The following ITGA9 variants were observed in gnomAD, a reference collection of about 807,000 sequenced individuals.
ITGA9 encodes integrin alpha-9.
In ITGA9, 56 loss-of-function variants were observed where a neutral mutation model predicts 127.8. That is an observed-to-expected ratio of 0.44 (90% CI 0.35 to 0.55). ITGA9 has a LOEUF of 0.55. Among genes scored for constraint, ITGA9 ranks in the 20% least tolerant of loss-of-function variants. The pLI, the probability that ITGA9 is intolerant of heterozygous loss-of-function variation, is 0.00. For missense variants in ITGA9, 1,196 were observed against 1,347.1 expected (o/e 0.89, Z 1.76); for synonymous variants, 508 against 514.5 (o/e 0.99, Z 0.17).
At chr3:37,641,721 G>A (rs1010829854) in intron 16 of ITGA9, among the ~76,000 whole-genome samples, 1 of 152,052 alleles carries the variant, frequency 6.6e-6, no homozygotes, top group Non-Finnish European at 1.5e-5. Context: ...GTACAGTGGG[G>A]CTCCTGCCTC....
intron 3 of ITGA9, among the ~76,000 whole-genome samples, chr3:37,478,987 G>T (rs2125557470): frequency 6.6e-6 from 1 of 152,288 alleles, no homozygotes; most frequent in South Asian, 2.1e-4. Flanking sequence ...CTGGCTATCA[G>T]ACAGCACCAT....
chr3:37,706,398 C>G (rs1701005830), intron 18 of ITGA9, among the ~76,000 whole-genome samples: 1 of 152,164 alleles, frequency 6.6e-6, no homozygotes, highest in African/African-American at 2.4e-5. Context: ...CTGTCAGTTG[C>G]AACGCCTGAA....
chr3:37,591,280 G>A (rs1345206238), intron 15 of ITGA9, among the ~76,000 whole-genome samples: 1 of 152,202 alleles, frequency 6.6e-6, no homozygotes, highest in Non-Finnish European at 1.5e-5. Context: ...TAATGTCCCT[G>A]GAATTTATTT....
chr3:37,514,115 T>C (rs573455955), intron 9 of ITGA9, among the ~76,000 whole-genome samples: 9 of 152,316 alleles, frequency 5.9e-5, no homozygotes, highest in Non-Finnish European at 1.3e-4. Context: ...CAAGGAAGAA[T>C]CTTAATAATT....
At chr3:37,458,818 C>CAGCTG (rs1698287051) in intron 1 of ITGA9, among the ~76,000 whole-genome samples, 1 of 152,186 alleles carries the variant, frequency 6.6e-6, no homozygotes, top group Non-Finnish European at 1.5e-5. Context: ...ATCTTGCCAC[C>CAGCTG]AGCTGACTCA....
intron 15 of ITGA9, among the ~76,000 whole-genome samples, chr3:37,601,380 TCAGGAGGAATAAAGCTAA>T (rs1203685711): frequency 1.3e-5 from 2 of 151,950 alleles, no homozygotes; most frequent in Non-Finnish European, 2.9e-5. Flanking sequence ...AACACAGAGG[TCAGGAGGAATAAAGCTAA>T]TGAGAGAGCA....
At chr3:37,692,633 T>G (rs1700844284) in intron 18 of ITGA9, among the ~76,000 whole-genome samples, 1 of 152,232 alleles carries the variant, frequency 6.6e-6, no homozygotes, top group South Asian at 2.1e-4. Context: ...TGTTGATTTT[T>G]TTTTTCCATT....
chr3:37,781,860 C>T (rs371095328), intron 25 of ITGA9, among the ~76,000 whole-genome samples: 30 of 152,220 alleles, frequency 2.0e-4, no homozygotes, highest in African/African-American at 5.5e-4. Context: ...TTTCCATTTT[C>T]AATCTGTAGC....
At chr3:37,517,688 G>A in intron 10 of ITGA9, 79 bp downstream of exon 10, 1 of 1,026,958 alleles carries the variant, frequency 9.7e-7, no homozygotes, top group Non-Finnish European at 1.5e-6. Flanking sequence ...CCTGCTCGCT[G>A]ACTGTCCATC....
chr3:37,790,967 T>C (rs1239435173), intron 26 of ITGA9: 2 of 152,180 alleles, frequency 1.3e-5, no homozygotes, highest in Non-Finnish European at 2.9e-5. Flanking sequence ...AAAGCTGGCC[T>C]GCAGAAAGAA....
chr3:37,717,085 C>G (rs976183042), intron 18 of ITGA9, among the ~76,000 whole-genome samples: 3 of 152,168 alleles, frequency 2.0e-5, no homozygotes. Context: ...AAAGCTTCAG[C>G]CCTAAGCTGG....
intron 15 of ITGA9, among the ~76,000 whole-genome samples, chr3:37,555,051 C>A (rs188736953): frequency 6.6e-6 from 1 of 152,252 alleles, no homozygotes; most frequent in Non-Finnish European, 1.5e-5. Flanking sequence ...AAGGGCTGAG[C>A]TGTGGACACT....
rs539824649 is a variant in ITGA9 at position 37,603,612 on chromosome 3, A to G, written c.1690-25575A>G. On this transcript the variant is annotated intron_variant, in intron 15 of 27. Transcript: ENST00000264741. The stretch of plus-strand genomic sequence containing the variant: ...AGGCATGCTATTAAGCTTTAAATGG[A>G]GCATCTCTAAGTTTCCTTACCAAAA... 3.3e-5 allele frequency among the ~76,000 whole-genome samples: 5 copies of G among 152,316 alleles called. No individual in the cohort carries two copies. The South Asian group carries it at 1.0e-3, about 32-fold the overall frequency.
chr3:37,793,359 C>T (rs1040393921), intron 26 of ITGA9, among the ~76,000 whole-genome samples: 2 of 148,368 alleles, frequency 1.3e-5, no homozygotes, highest in African/African-American at 5.0e-5. Context: ...AAATTTTTAC[C>T]CTCAAGACTT....
intron 14 of ITGA9, among the ~76,000 whole-genome samples, chr3:37,536,011 G>C (rs1699203994): frequency 6.6e-6 from 1 of 152,202 alleles, no homozygotes; most frequent in Non-Finnish European, 1.5e-5. Context: ...TCAGGTAACT[G>C]TGGGGGCCCA....
At chr3:37,700,770 A>G (rs955706558) in intron 18 of ITGA9, among the ~76,000 whole-genome samples, 2 of 152,326 alleles carry the variant, frequency 1.3e-5, no homozygotes, top group African/African-American at 2.4e-5. Flanking sequence ...TGGATAGAAG[A>G]TGGGTATATC....
At chr3:37,802,725 C>T (rs1360652279) in intron 26 of ITGA9, among the ~76,000 whole-genome samples, 1 of 152,152 alleles carries the variant, frequency 6.6e-6, no homozygotes, top group East Asian at 1.9e-4. Flanking sequence ...ACATGTTTAA[C>T]AATCAGTTCT....
chr3:37,606,240 G>C (rs1699967781), intron 15 of ITGA9, among the ~76,000 whole-genome samples: 1 of 152,162 alleles, frequency 6.6e-6, no homozygotes, highest in African/African-American at 2.4e-5. Context: ...TGTCTCAGCA[G>C]ATACTGAGTT....
At chr3:37,663,443 G>A (rs1700556622) in intron 17 of ITGA9, among the ~76,000 whole-genome samples, 2 of 152,150 alleles carry the variant, frequency 1.3e-5, no homozygotes, top group Non-Finnish European at 2.9e-5. Flanking sequence ...ACATATAATT[G>A]TCCTATGGTT....
Sources: gnomAD v4.1 joint callset for allele counts (sites outside exome capture counted in the v4.1 genomes callset) on GRCh38, gnomAD v4.1.1 for gene constraint, MANE v1.5 for transcripts, NCBI Gene and HGNC (gene_info 2026-07-23, HGNC 2026-07-21) for gene names.